GPC5: variants seen among roughly 807,000 people sequenced by gnomAD.
The protein encoded by GPC5 is glypican-5.
GPC5 carries 47 observed loss-of-function variants against 53.9 expected under a neutral mutation model. The observed-to-expected ratio is 0.87, with a 90% confidence interval of 0.69 to 1.11. The LOEUF (loss-of-function observed/expected upper bound fraction) is 1.11. GPC5 is among the 50% of genes most tolerant of loss of function. The probability of loss-of-function intolerance (pLI) is 0.00; values close to 1 mark genes in which losing one functional copy is unlikely to be tolerated. For synonymous variants in GPC5, 286 were observed against 263.3 expected (o/e 1.09, Z -0.84); for missense variants, 748 against 713.1 (o/e 1.05, Z -0.56).
chr13:92,717,566 CCTT>C (rs1488257572), intron 7 of GPC5, among the ~76,000 whole-genome samples: 2 of 152,182 alleles, frequency 1.3e-5, no homozygotes, highest in African/African-American at 2.4e-5. Flanking sequence ...TACACTTTCT[CCTT>C]CTTCTCCTAC....
rs949725416 is a variant in GPC5, at chr13:92,261,969, A to G, written c.1561+116980A>G. ...TGTAAATGGTGTGAGATAGGTATAC[A>G]AATGAAAATATCTATTGAGGTTTTG... On this transcript the variant is annotated intron_variant, in intron 7 of 7. Coordinates refer to ENST00000377067, the MANE Select transcript of GPC5 (RefSeq NM_004466.6). Among the ~76,000 whole-genome samples, 14 of 152,196 alleles carry G rather than the reference A, an allele frequency of 9.2e-5. 1 individual carries two copies. Among genetic ancestry groups the G allele is most frequent in the Admixed American group, 7.9e-4 (12 of 15,266 alleles).
intron 6 of GPC5, among the ~76,000 whole-genome samples, chr13:92,126,815 G>GGA (rs1421199612): frequency 2.9e-5 from 2 of 69,072 alleles, no homozygotes; most frequent in East Asian, 3.8e-3. Flanking sequence ...AGGAAAAGTT[G>GGA]GAGTGTGTGT....
intron 5 of GPC5, among the ~76,000 whole-genome samples, chr13:91,861,028 A>G (rs769670304): frequency 4.6e-5 from 7 of 152,106 alleles, no homozygotes; most frequent in African/African-American, 1.7e-4. Flanking sequence ...GGTTTCCTAG[A>G]TATGTCTTAT....
At chr13:92,833,218 T>C (rs933598906) in intron 7 of GPC5, among the ~76,000 whole-genome samples, 4 of 152,196 alleles carry the variant, frequency 2.6e-5, no homozygotes, top group Admixed American at 2.0e-4. Context: ...GAGGCTAGAT[T>C]ACTTACTTAT....
intron 7 of GPC5, among the ~76,000 whole-genome samples, chr13:92,524,289 G>T (rs1881187458): frequency 6.6e-6 from 1 of 151,994 alleles, no homozygotes; most frequent in African/African-American, 2.4e-5. Context: ...TCTTCACCAG[G>T]AATGATTTTA....
chr13:92,169,129 T>C (rs1052919467), intron 7 of GPC5, among the ~76,000 whole-genome samples: 5 of 151,820 alleles, frequency 3.3e-5, no homozygotes, highest in African/African-American at 9.7e-5. Context: ...AGCTCAACAA[T>C]GAGAATACGT....
chr13:92,192,333 G>A (rs186721009), intron 7 of GPC5, among the ~76,000 whole-genome samples: 2 of 152,164 alleles, frequency 1.3e-5, no homozygotes, highest in Admixed American at 6.5e-5. Context: ...TGCGAGTGGG[G>A]TTGGGAGTAT....
rs755413935 is a variant in GPC5 at position 92,867,170 on chromosome 13, T to C, written c.*731T>C. On this transcript the variant is annotated 3_prime_UTR_variant, in exon 8 of 8. Coordinates refer to ENST00000377067, the MANE Select transcript of GPC5 (RefSeq NM_004466.6). Reference sequence around the variant, plus strand: ...TCTCTCTTTGCCTCATAGATTTAGCTATGTTGGGAAGCACATGCTTGCTCT... The same window carrying C: ...TCTCTCTTTGCCTCATAGATTTAGCCATGTTGGGAAGCACATGCTTGCTCT... 1 of 152,110 alleles carries C rather than the reference T, an allele frequency of 6.6e-6. No homozygotes were observed. The highest frequency in any genetic ancestry group is 1.5e-5 in the Non-Finnish European group (1 of 68,010). 9.4% of individuals were successfully genotyped at this position (152,110 alleles called of 1,614,324 possible).
At chr13:91,535,418 C>T (rs184953282) in intron 2 of GPC5, among the ~76,000 whole-genome samples, 9 of 152,272 alleles carry the variant, frequency 5.9e-5, no homozygotes, top group Admixed American at 2.0e-4. Flanking sequence ...TAAAAATTTT[C>T]GATTGCCTGT....
chr13:91,757,481 C>T (rs1269235747), intron 5 of GPC5, among the ~76,000 whole-genome samples: 1 of 152,028 alleles, frequency 6.6e-6, no homozygotes, highest in Admixed American at 6.6e-5. Flanking sequence ...TGGGAGGGAC[C>T]TGGTAGGAGA....
chr13:91,867,751 T>A (rs1474022703), intron 5 of GPC5, among the ~76,000 whole-genome samples: 1 of 152,232 alleles, frequency 6.6e-6, no homozygotes, highest in African/African-American at 2.4e-5. Flanking sequence ...AAGTAAGTTA[T>A]CTAAATAAGG....
intron 6 of GPC5, among the ~76,000 whole-genome samples, chr13:92,085,455 ACTCT>A (rs1434349808): frequency 3.9e-5 from 6 of 152,130 alleles, no homozygotes; most frequent in African/African-American, 1.4e-4. Context: ...GGAAGAACAG[ACTCT>A]CTAAGTAGTG....
chr13:92,611,325 C>T (rs780006875), intron 7 of GPC5, among the ~76,000 whole-genome samples: 1 of 152,032 alleles, frequency 6.6e-6, no homozygotes, highest in African/African-American at 2.4e-5. Flanking sequence ...ATCCCAGGAC[C>T]GGATGACTCT....
intron 3 of GPC5, among the ~76,000 whole-genome samples, chr13:91,705,696 C>T: frequency 6.8e-6 from 1 of 147,382 alleles, no homozygotes; most frequent in East Asian, 2.1e-4. Flanking sequence ...TAAAAACACC[C>T]CCCCCCCCAT....
chr13:91,877,290 C>CG (rs1053707210), intron 5 of GPC5, among the ~76,000 whole-genome samples: 6 of 152,114 alleles, frequency 3.9e-5, no homozygotes, highest in African/African-American at 1.2e-4. Context: ...GTAGATCCAC[C>CG]GACAGTTTGC....
chr13:92,494,261 T>C (rs1049416103), intron 7 of GPC5, among the ~76,000 whole-genome samples: 8 of 152,208 alleles, frequency 5.3e-5, no homozygotes, highest in African/African-American at 1.9e-4. Flanking sequence ...GGCTAATTTT[T>C]TGTATCTTTA....
At chr13:92,631,644 G>A (rs1885242628) in intron 7 of GPC5, among the ~76,000 whole-genome samples, 1 of 152,100 alleles carries the variant, frequency 6.6e-6, no homozygotes, top group African/African-American at 2.4e-5. Context: ...AACTGCTTTT[G>A]CGCCAACCTA....
At chr13:92,172,887 T>TA (rs2042080466) in intron 7 of GPC5, among the ~76,000 whole-genome samples, 1 of 151,714 alleles carries the variant, frequency 6.6e-6, no homozygotes, top group Admixed American at 6.6e-5. Context: ...CCTTTTTATT[T>TA]AAAAAGAAAG....
At chr13:91,640,453 G>T (rs1370837481) in intron 2 of GPC5, among the ~76,000 whole-genome samples, 1 of 152,156 alleles carries the variant, frequency 6.6e-6, no homozygotes, top group African/African-American at 2.4e-5. Context: ...AGTCAGACTG[G>T]CAATTATTAA....
Sources: gnomAD v4.1 joint callset for allele counts (sites outside exome capture counted in the v4.1 genomes callset) on GRCh38, gnomAD v4.1.1 for gene constraint, MANE v1.5 for transcripts, NCBI Gene and HGNC (gene_info 2026-07-23, HGNC 2026-07-21) for gene names.